Variants in GNB1 observed in about 807,000 individuals in gnomAD.
The protein encoded by GNB1 is G protein subunit beta 1.
GNB1 carries 2 observed loss-of-function variants against 42.9 expected under a neutral mutation model. The ratio of observed to expected loss-of-function variants is 0.05; its 90% CI spans 0.02 to 0.15. The LOEUF (loss-of-function observed/expected upper bound fraction) is 0.15, where lower values mean the gene tolerates loss of function less well. Among genes scored for constraint, GNB1 ranks in the 10% least tolerant of loss-of-function variants. The probability of loss-of-function intolerance (pLI) is 1.00; values close to 1 mark genes in which losing one functional copy is unlikely to be tolerated. For missense variants in GNB1, 193 were observed against 462.2 expected, an observed-to-expected ratio of 0.42 and a Z score of 5.34; for synonymous variants, 183 against 174.7, an observed-to-expected ratio of 1.05 and a Z score of -0.38.
chr1:1,890,003 T>C (rs1452524098), intron 1 of GNB1, among the ~76,000 whole-genome samples: 1 of 150,992 alleles, frequency 6.6e-6, no homozygotes, highest in Non-Finnish European at 1.5e-5. Flanking sequence ...GCCCCGAAAC[T>C]CGGCGCGGCG....
intron 1 of GNB1, among the ~76,000 whole-genome samples, chr1:1,886,513 C>T (rs952645706): frequency 2.0e-5 from 3 of 152,176 alleles, no homozygotes; most frequent in African/African-American, 7.2e-5. Flanking sequence ...TATACGTTGG[C>T]CCTGCTTTTT....
intron 6 of GNB1, 151 bp downstream of exon 6, chr1:1,806,324 A>G (rs557288106): frequency 3.6e-6 from 2 of 562,440 alleles, no homozygotes; most frequent in Non-Finnish European, 6.5e-6. Context: ...CTCAGCTTCT[A>G]TCTCACCTGC....
intron 5 of GNB1, among the ~76,000 whole-genome samples, chr1:1,807,087 G>A (rs1388845799): frequency 2.0e-5 from 3 of 152,140 alleles, no homozygotes; most frequent in Non-Finnish European, 2.9e-5. Flanking sequence ...GGCCCCAACC[G>A]AATGCAGGCC....
intron 1 of GNB1, among the ~76,000 whole-genome samples, chr1:1,848,357 CAAAA>C (rs56979938): frequency 1.1e-4 from 10 of 94,348 alleles, no homozygotes; most frequent in Non-Finnish European, 1.5e-4. Flanking sequence ...CCAGCCCAGG[CAAAA>C]AAAAAAAAAA....
intron 1 of GNB1, among the ~76,000 whole-genome samples, chr1:1,876,437 C>A (rs1649547513): frequency 6.6e-6 from 1 of 151,586 alleles, no homozygotes; most frequent in Non-Finnish European, 1.5e-5. Flanking sequence ...AGGTGTACAC[C>A]ATCAGGCCCA....
intron 2 of GNB1, 68 bp from the exon 3 acceptor site, chr1:1,825,567 G>T: frequency 1.1e-6 from 1 of 897,044 alleles, no homozygotes; most frequent in Non-Finnish European, 1.9e-6. Context: ...GGTGAGAAAA[G>T]TAAATTGAAA....
Position 1,803,998 on chromosome 1 carries a change from AAAAAAG to A in GNB1, c.430+415_430+420del, listed in dbSNP as rs1445377167. Among the ~76,000 whole-genome samples the A allele has an allele frequency of 6.7e-5, 8 of 119,850 alleles. 1 individual carries two copies. Among genetic ancestry groups the A allele is most frequent in the South Asian group, 2.8e-4 (1 of 3,538 alleles). The allele number at this position is 119,850 out of a possible 152,430, so 78.6% of individuals were successfully genotyped here. On this transcript the variant is annotated intron_variant, in intron 7 of 11. Coordinates refer to ENST00000378609, the MANE Select transcript of GNB1 (RefSeq NM_002074.5). ...CTCTGTCTTTAAAAAAAAAAAAAAAAAAAAAGAAAAAAAGGCTGGGTGTGGTGGCTC... is the reference window on the plus strand; with the variant it reads ...CTCTGTCTTTAAAAAAAAAAAAAAAAAAAAAAAGGCTGGGTGTGGTGGCTC...
intron 7 of GNB1, among the ~76,000 whole-genome samples, chr1:1,797,485 C>T (rs1334585399): frequency 6.6e-6 from 1 of 152,038 alleles, no homozygotes; most frequent in African/African-American, 2.4e-5. Flanking sequence ...GCCACCCAGG[C>T]TGGAGTGCAG....
chr1:1,879,740 A>C (rs998634166), intron 1 of GNB1, among the ~76,000 whole-genome samples: 7 of 151,842 alleles, frequency 4.6e-5, no homozygotes, highest in Admixed American at 2.6e-4. Context: ...ACTATTTTCT[A>C]AGAAAAATAA....
intron 1 of GNB1, among the ~76,000 whole-genome samples, chr1:1,890,591 C>T (rs984927609): frequency 6.7e-6 from 1 of 148,908 alleles, no homozygotes; most frequent in East Asian, 2.0e-4. Flanking sequence ...CAGCCTTGGG[C>T]CTGGGACCCC....
In GNB1 at chr1:1,785,836, G is replaced by T; in HGVS notation, c.*1227C>A. 6.4e-6 allele frequency: 2 copies of T among 314,358 alleles called. No homozygotes were observed. The allele number at this position is 314,358 out of a possible 1,614,324, so 19.5% of individuals were successfully genotyped here. ...TTTTTAAAGAAATAAAGAAAACAGT[G>T]ACTTATCCCGCTACCCAAGCGTGTA... On this transcript the variant is annotated 3_prime_UTR_variant, in exon 12 of 12. Transcript: ENST00000378609.
At chr1:1,862,550 C>T (rs1648692599) in intron 1 of GNB1, among the ~76,000 whole-genome samples, 1 of 151,936 alleles carries the variant, frequency 6.6e-6, no homozygotes, top group South Asian at 2.1e-4. Context: ...CAGACTTGAC[C>T]TCCTGGGCTC....
chr1:1,863,201 ATGAG>A (rs1485164412), intron 1 of GNB1, among the ~76,000 whole-genome samples: 1 of 152,174 alleles, frequency 6.6e-6, no homozygotes, highest in Non-Finnish European at 1.5e-5. Context: ...AACCAAACAA[ATGAG>A]TAACAGAGGC....
chr1:1,831,337 T>C lies in GNB1; in HGVS notation c.-46-5838A>G, dbSNP rs114768911. The stretch of plus-strand genomic sequence containing the variant: ...GGGCAACAGAGCAAGATCCTGTCTC[T>C]AAATAGTTACTGGAATAACTGTAAC... On this transcript the variant is annotated intron_variant, in intron 2 of 11. Coordinates refer to ENST00000378609, the MANE Select transcript of GNB1 (RefSeq NM_002074.5). 8.2e-3 allele frequency among the ~76,000 whole-genome samples: 1,246 copies of C among 152,284 alleles called. 22 individuals carry two copies. The highest frequency in any genetic ancestry group is 0.029 in the African/African-American group (1,209 of 41,546).
chr1:1,845,885 T>C (rs1013666234), intron 1 of GNB1, among the ~76,000 whole-genome samples: 5 of 149,066 alleles, frequency 3.4e-5, no homozygotes, highest in African/African-American at 1.2e-4. Flanking sequence ...ATATCTCCTA[T>C]CTCTTGTCAA....
chr1:1,860,261 A>G (rs1648546177), intron 1 of GNB1, among the ~76,000 whole-genome samples: 1 of 152,100 alleles, frequency 6.6e-6, no homozygotes, highest in South Asian at 2.1e-4. Flanking sequence ...GCAAAAATAG[A>G]CAATGGGGAC....
At chr1:1,804,219 C>T (rs1305096587) in intron 7 of GNB1, among the ~76,000 whole-genome samples, 200 bp downstream of exon 7, 2 of 151,238 alleles carry the variant, frequency 1.3e-5, no homozygotes, top group African/African-American at 4.9e-5. Context: ...ATGGCGTGAA[C>T]ACCCAGGAGG....
In GNB1 at chr1:1,863,854, T is replaced by C. The variant is rs144809263; in HGVS notation, c.-95-24616A>G. Among the ~76,000 whole-genome samples, 276 of 152,250 alleles carry C rather than the reference T, an allele frequency of 1.8e-3. 1 individual carries two copies. The highest frequency in any genetic ancestry group is 6.5e-3 in the African/African-American group (270 of 41,550). Reference sequence around the variant, plus strand: ...TAATTGATAACATTTTTTTAAAGAATAGGACAGAACAATGTTTCTGTGGGA... The same window carrying C: ...TAATTGATAACATTTTTTTAAAGAACAGGACAGAACAATGTTTCTGTGGGA... On this transcript the variant is annotated intron_variant, in intron 1 of 11. Coordinates refer to ENST00000378609, the MANE Select transcript of GNB1 (RefSeq NM_002074.5).
At chr1:1,871,872 C>A (rs1649268934) in intron 1 of GNB1, among the ~76,000 whole-genome samples, 4 of 152,218 alleles carry the variant, frequency 2.6e-5, no homozygotes. Flanking sequence ...CCCATTTCTT[C>A]CCATTTCCTT....
Sources: gnomAD v4.1 joint callset for allele counts (sites outside exome capture counted in the v4.1 genomes callset) on GRCh38, gnomAD v4.1.1 for gene constraint, MANE v1.5 for transcripts, NCBI Gene and HGNC (gene_info 2026-07-23, HGNC 2026-07-21) for gene names.